GRB14: variants seen among roughly 807,000 people sequenced by gnomAD.
GRB14 encodes the protein growth factor receptor bound protein 14.
GRB14 carries 38 observed loss-of-function variants against 69.1 expected under a neutral mutation model. The ratio of observed to expected loss-of-function variants is 0.55; its 90% CI spans 0.42 to 0.72. The LOEUF (loss-of-function observed/expected upper bound fraction) is 0.72, where lower values mean the gene tolerates loss of function less well. Ranked by LOEUF, GRB14 falls within the 30% of genes least tolerant of loss-of-function variation. The pLI is 0.00. For synonymous variants in GRB14, 247 were observed against 241.3 expected (o/e 1.02, Z -0.22); for missense variants, 666 against 666.1 (o/e 1.00, Z 0.00).
At chr2:164,607,356 G>C (rs535210891) in intron 2 of GRB14, among the ~76,000 whole-genome samples, 2 of 152,318 alleles carry the variant, frequency 1.3e-5, no homozygotes, top group East Asian at 3.9e-4. Flanking sequence ...ACATGCTAGA[G>C]ATTGAATAAA....
intron 2 of GRB14, among the ~76,000 whole-genome samples, chr2:164,611,532 C>T (rs1221903992): frequency 6.6e-6 from 1 of 150,906 alleles, no homozygotes; most frequent in Admixed American, 6.7e-5. Flanking sequence ...ACGACCACCC[C>T]GTACCTATTA....
At chr2:164,604,258 C>T (rs1689993052) in intron 2 of GRB14, among the ~76,000 whole-genome samples, 1 of 152,106 alleles carries the variant, frequency 6.6e-6, no homozygotes, top group African/African-American at 2.4e-5. Flanking sequence ...TGCACACAGG[C>T]ACAAGAATGT....
At chr2:164,600,660 G>GC (rs1468856991) in intron 2 of GRB14, among the ~76,000 whole-genome samples, 1 of 152,118 alleles carries the variant, frequency 6.6e-6, no homozygotes, top group Non-Finnish European at 1.5e-5. Context: ...CATGTGATAT[G>GC]CCCACTGGGG....
chr2:164,610,885 A>T (rs1558883454), intron 2 of GRB14, among the ~76,000 whole-genome samples: 1 of 146,130 alleles, frequency 6.8e-6, no homozygotes, highest in South Asian at 2.1e-4. Flanking sequence ...AAAAAAAAAA[A>T]AAAAACAGGC....
At chr2:164,535,038 T>C (rs1688045545) in intron 3 of GRB14, among the ~76,000 whole-genome samples, 1 of 152,160 alleles carries the variant, frequency 6.6e-6, no homozygotes, top group South Asian at 2.1e-4. Flanking sequence ...CACTCATATG[T>C]AGGTAGAAAA....
intron 3 of GRB14, among the ~76,000 whole-genome samples, chr2:164,544,226 T>C (rs1318463462): frequency 5.9e-5 from 9 of 152,192 alleles, no homozygotes; most frequent in Non-Finnish European, 1.3e-4. Flanking sequence ...AGTATGTGGA[T>C]CAAATTAATT....
At chr2:164,515,855 AATAG>A (rs1687470282) in intron 6 of GRB14, among the ~76,000 whole-genome samples, 1 of 151,818 alleles carries the variant, frequency 6.6e-6, no homozygotes, top group African/African-American at 2.4e-5. Flanking sequence ...TCTTCAGTGA[AATAG>A]ATAGCATGAA....
chr2:164,545,722 AT>A (rs1688356926), intron 3 of GRB14, among the ~76,000 whole-genome samples: 1 of 152,250 alleles, frequency 6.6e-6, no homozygotes, highest in African/African-American at 2.4e-5. Context: ...TGACACTGCC[AT>A]AACGAACTCC....
intron 2 of GRB14, among the ~76,000 whole-genome samples, chr2:164,579,631 A>G (rs1689345976): frequency 6.6e-6 from 1 of 152,192 alleles, no homozygotes; most frequent in African/African-American, 2.4e-5. Context: ...GAGAACCCAC[A>G]TAGACATACA....
At chr2:164,601,083 T>C (rs1012943387) in intron 2 of GRB14, among the ~76,000 whole-genome samples, 2 of 152,180 alleles carry the variant, frequency 1.3e-5, no homozygotes, top group African/African-American at 4.8e-5. Context: ...TAAATCTCAG[T>C]TAAATCCCAG....
chr2:164,555,772 T>C (rs1461059353), intron 2 of GRB14, among the ~76,000 whole-genome samples: 1 of 151,458 alleles, frequency 6.6e-6, no homozygotes, highest in Non-Finnish European at 1.5e-5. Context: ...AGTTAACATA[T>C]AGTTAATACA....
At chr2:164,590,784 CTTCA>C (rs1464723451) in intron 2 of GRB14, among the ~76,000 whole-genome samples, 1 of 152,118 alleles carries the variant, frequency 6.6e-6, no homozygotes, top group African/African-American at 2.4e-5. Flanking sequence ...CAATCATTTT[CTTCA>C]TTATTTGAAT....
chr2:164,571,942 T>C (rs1574321330), intron 2 of GRB14, among the ~76,000 whole-genome samples: 1 of 152,214 alleles, frequency 6.6e-6, no homozygotes, highest in Admixed American at 6.5e-5. Context: ...ATACAGCCCT[T>C]GTTCCTGACG....
In GRB14 at chr2:164,492,902, A is replaced by AAAC. The variant is rs1288069595; in HGVS notation, c.*131_*133dup. 1 of 734,820 alleles carries AAAC rather than the reference A, an allele frequency of 1.4e-6. No individual in the cohort carries two copies. The highest frequency in any genetic ancestry group is 2.1e-6 in the Non-Finnish European group (1 of 473,938). 45.5% of individuals were successfully genotyped at this position (734,820 alleles called of 1,614,324 possible). On this transcript the variant is annotated 3_prime_UTR_variant, in exon 14 of 14. Transcript: ENST00000263915. The stretch of plus-strand genomic sequence containing the variant: ...AAGTCTTTGCTTATTTGCAATGCAC[A>AAAC]AACTATTTTTTTGTAACTTGCAGGT...
At position 164,497,101 on chromosome 2, in the gene GRB14, G is replaced by T. The variant is rs1559019285; in HGVS notation, c.1295-6C>A. 15 of 1,612,174 alleles carry T rather than the reference G, an allele frequency of 9.3e-6. No homozygotes were observed. Among genetic ancestry groups the T allele is most frequent in the Non-Finnish European group, 8.5e-6 (10 of 1,178,442 alleles). ...TGGCTGGGACCGGTGGATAGCTAAA[G>T]AAATAGGATGGATGAATGCAAAGCT... On this transcript the variant is annotated splice_polypyrimidine_tract_variant and splice_region_variant and intron_variant, in intron 11 of 13. Coordinates refer to ENST00000263915, the MANE Select transcript of GRB14 (RefSeq NM_004490.3).
intron 3 of GRB14, among the ~76,000 whole-genome samples, chr2:164,532,057 T>C (rs1301006872): frequency 6.6e-6 from 1 of 152,196 alleles, no homozygotes; most frequent in African/African-American, 2.4e-5. Context: ...AGCAGGAGTT[T>C]CTACAACATG....
intron 2 of GRB14, among the ~76,000 whole-genome samples, chr2:164,615,919 T>C (rs1311399463): frequency 6.6e-6 from 1 of 152,194 alleles, no homozygotes; most frequent in East Asian, 1.9e-4. Context: ...GTGTTTAGGG[T>C]TCATTACTAA....
At chr2:164,597,940 G>C (rs984226319) in intron 2 of GRB14, among the ~76,000 whole-genome samples, 1 of 151,856 alleles carries the variant, frequency 6.6e-6, no homozygotes, top group Non-Finnish European at 1.5e-5. Flanking sequence ...TTAAAATAGG[G>C]AGCGGAGGGG....
chr2:164,544,318 G>C (rs1410837498), intron 3 of GRB14, among the ~76,000 whole-genome samples: 2 of 151,938 alleles, frequency 1.3e-5, no homozygotes, highest in Non-Finnish European at 1.5e-5. Flanking sequence ...GTGTTCTCAG[G>C]GAAAAACACT....
Sources: gnomAD v4.1 joint callset for allele counts (sites outside exome capture counted in the v4.1 genomes callset) on GRCh38, gnomAD v4.1.1 for gene constraint, MANE v1.5 for transcripts, NCBI Gene and HGNC (gene_info 2026-07-23, HGNC 2026-07-21) for gene names.